CPNE2: variants seen among roughly 807,000 people sequenced by gnomAD.
The protein encoded by CPNE2 is copine-2.
Under a neutral mutation model 69.7 loss-of-function variants are expected in CPNE2, and 42 were observed. The observed-to-expected ratio is 0.60, with a 90% CI of 0.47 to 0.78. The LOEUF (loss-of-function observed/expected upper bound fraction) is 0.78. CPNE2 is among the 30% of genes least tolerant of loss of function. The pLI, the probability that CPNE2 is intolerant of heterozygous loss-of-function variation, is 0.00. For missense variants in CPNE2, 587 were observed against 732.0 expected, an observed-to-expected ratio of 0.80 and a Z score of 2.29; for synonymous variants, 294 against 289.8, an observed-to-expected ratio of 1.01 and a Z score of -0.15.
chr16:57,102,231 T>A (rs1228853544), intron 1 of CPNE2, among the ~76,000 whole-genome samples: 1 of 151,822 alleles, frequency 6.6e-6, no homozygotes, highest in Non-Finnish European at 1.5e-5. Flanking sequence ...ATAACAGGAG[T>A]GAGCCACCGC....
intron 14 of CPNE2, chr16:57,143,156 G>A (rs1227725401): frequency 6.6e-6 from 1 of 152,300 alleles, no homozygotes; most frequent in Non-Finnish European, 1.5e-5. Flanking sequence ...GGGTAGGGCT[G>A]TGTAATAGAC....
At position 57,109,115 on chromosome 16, in the gene CPNE2, G is replaced by A. The variant is rs138945638; in HGVS notation, c.-35-1593G>A. ...GTCCCGATCCAGACCCCAAGAGAGG[G>A]TTCTTGGATCTTGTGCAAGAAGAAA... On this transcript the variant is annotated intron_variant, in intron 1 of 15. Coordinates refer to ENST00000290776, the MANE Select transcript of CPNE2 (RefSeq NM_152727.6). Among the ~76,000 whole-genome samples the A allele has an allele frequency of 3.7e-3, 563 of 152,266 alleles. 5 individuals carry two copies. The highest frequency in any genetic ancestry group is 0.013 in the African/African-American group (549 of 41,534).
intron 13 of CPNE2, among the ~76,000 whole-genome samples, chr16:57,136,329 G>T (rs1346465032): frequency 6.6e-6 from 1 of 152,238 alleles, no homozygotes; most frequent in Non-Finnish European, 1.5e-5. Context: ...CTACAGGGCA[G>T]TGTGCTCATA....
chr16:57,124,227 G>T, intron 10 of CPNE2: 1 of 352,448 alleles, frequency 2.8e-6, no homozygotes, highest in South Asian at 2.1e-5. Flanking sequence ...GATTACAGGT[G>T]CATGCCATCA....
rs970285383 is a variant in CPNE2, at chr16:57,118,424, C to T, written c.508-771C>T. ...TCCTGACCTTGTGATCCGCCTACCTCGGCCTCCCAAAGTGCTGGGATTACA... is the reference window on the plus strand; with the variant it reads ...TCCTGACCTTGTGATCCGCCTACCTTGGCCTCCCAAAGTGCTGGGATTACA... On this transcript the variant is annotated intron_variant, in intron 5 of 15. Transcript: ENST00000290776. Among the ~76,000 whole-genome samples the T allele has an allele frequency of 5.7e-4, 87 of 151,626 alleles. 1 individual carries two copies. Among genetic ancestry groups the T allele is most frequent in the Non-Finnish European group, 8.8e-5 (6 of 67,936 alleles).
chr16:57,121,931 T>C (rs2069765784), intron 9 of CPNE2, among the ~76,000 whole-genome samples, 171 bp downstream of exon 9: 1 of 152,196 alleles, frequency 6.6e-6, no homozygotes, highest in Non-Finnish European at 1.5e-5. Context: ...AGTCTCCTCA[T>C]CTGTGGAATG....
intron 4 of CPNE2, 151 bp from the exon 5 acceptor site, chr16:57,117,345 G>A: frequency 2.9e-6 from 2 of 686,858 alleles, no homozygotes; most frequent in South Asian, 3.8e-5. Context: ...CTGAGGTGTG[G>A]GGAAGACAAG....
chr16:57,099,407 A>T (rs1330036939), intron 1 of CPNE2, among the ~76,000 whole-genome samples: 1 of 152,092 alleles, frequency 6.6e-6, no homozygotes, highest in African/African-American at 2.4e-5. Flanking sequence ...CACTGCCATG[A>T]ACATTCCTGT....
chr16:57,099,253 G>A (rs2069597747), intron 1 of CPNE2, among the ~76,000 whole-genome samples: 1 of 152,210 alleles, frequency 6.6e-6, no homozygotes. Flanking sequence ...GCACGTGTGA[G>A]ACCCATCCGT....
chr16:57,095,988 GTGTC>G (rs1325511169), intron 1 of CPNE2, among the ~76,000 whole-genome samples: 2 of 152,242 alleles, frequency 1.3e-5, no homozygotes, highest in Non-Finnish European at 2.9e-5. Flanking sequence ...AGAGCAAACA[GTGTC>G]TGTCTTGTTT....
chr16:57,143,880 C>T, intron 14 of CPNE2: 1 of 152,520 alleles, frequency 6.6e-6, no homozygotes, highest in Non-Finnish European at 1.5e-5. Flanking sequence ...GCACTGCCTG[C>T]CTGAGCTGGA....
chr16:57,127,771 G>T (rs530257478), intron 11 of CPNE2, 78 bp from the exon 12 acceptor site: 3 of 1,415,072 alleles, frequency 2.1e-6, no homozygotes, highest in Non-Finnish European at 3.0e-6. Flanking sequence ...ATGAGGCAGA[G>T]TGGGCCCAGC....
At chr16:57,113,785 C>T (rs1401822984) in intron 3 of CPNE2, among the ~76,000 whole-genome samples, 1 of 152,238 alleles carries the variant, frequency 6.6e-6, no homozygotes, top group Non-Finnish European at 1.5e-5. Flanking sequence ...ACAGTAGTCC[C>T]GCTTTGTGGC....
At position 57,113,201 on chromosome 16, in the gene CPNE2, C is replaced by T. The variant is rs1481657075; in HGVS notation, c.181-87C>T. On this transcript the variant is annotated intron_variant, in intron 2 of 15. Coordinates refer to ENST00000290776, the MANE Select transcript of CPNE2 (RefSeq NM_152727.6). ...AGCCTGGCACAGAGTAGGCATTGTA[C>T]AAGTTAGCAGAATGATTTCCAGCAG... The T allele has an allele frequency of 1.9e-5, 24 of 1,277,580 alleles. No homozygotes were observed. In the Admixed American group the frequency reaches 4.3e-4, roughly 23 times the overall value. The allele number at this position is 1,277,580 out of a possible 1,614,324, so 79.1% of individuals were successfully genotyped here.
chr16:57,128,270 C>G (rs1347296513), intron 12 of CPNE2, among the ~76,000 whole-genome samples: 1 of 152,072 alleles, frequency 6.6e-6, no homozygotes, highest in Non-Finnish European at 1.5e-5. Context: ...TGCTCTGTTG[C>G]CCAGGCTGGA....
intron 1 of CPNE2, among the ~76,000 whole-genome samples, chr16:57,109,307 C>T (rs1430744549): frequency 6.6e-6 from 1 of 151,456 alleles, no homozygotes. Flanking sequence ...GAAACCTCGT[C>T]TCTACTAAAA....
In CPNE2 at chr16:57,134,939, C is replaced by G. The variant is rs72777123; in HGVS notation, c.1168+113C>G. On this transcript the variant is annotated intron_variant, in intron 13 of 15. Transcript: ENST00000290776. ...TCATTTCTTTCTCCTTTCCCCTCCCCCTTACTGTTGCTCAGAGTGACAGAG... is the reference window on the plus strand; with the variant it reads ...TCATTTCTTTCTCCTTTCCCCTCCCGCTTACTGTTGCTCAGAGTGACAGAG... The G allele has an allele frequency of 7.3e-3, 8,423 of 1,159,572 alleles. 41 individuals carry two copies. The highest frequency in any genetic ancestry group is 8.6e-3 in the Non-Finnish European group (6,767 of 789,460). The allele number at this position is 1,159,572 out of a possible 1,614,324, so 71.8% of individuals were successfully genotyped here.
In CPNE2 at chr16:57,130,320, A is replaced by G. The variant is rs2069828632; in HGVS notation, c.1116+2417A>G. Among the ~76,000 whole-genome samples, 1 of 152,042 alleles carries G rather than the reference A, an allele frequency of 6.6e-6. No individual in the cohort carries two copies. The highest frequency in any genetic ancestry group is 2.4e-5 in the African/African-American group (1 of 41,376). Reference sequence around the variant, plus strand: ...CTGGAGCCCAGTGAGCTATGAGTGCACTGCACTCCAGCCTGGGTGACAGAG... The same window carrying G: ...CTGGAGCCCAGTGAGCTATGAGTGCGCTGCACTCCAGCCTGGGTGACAGAG... On this transcript the variant is annotated intron_variant, in intron 12 of 15. Coordinates refer to ENST00000290776, the MANE Select transcript of CPNE2 (RefSeq NM_152727.6). This position sits in a 1 kb window ranked among gnomAD's most constrained non-coding sequence, Gnocchi z 4.1.
intron 5 of CPNE2, among the ~76,000 whole-genome samples, chr16:57,117,797 G>A (rs1164607203): frequency 6.6e-6 from 1 of 152,122 alleles, no homozygotes; most frequent in Non-Finnish European, 1.5e-5. Context: ...GCTCATTGGG[G>A]CATCCCCATC....
Sources: gnomAD v4.1 joint callset for allele counts (sites outside exome capture counted in the v4.1 genomes callset) on GRCh38, gnomAD v4.1.1 for gene constraint, Gnocchi (gnomAD v3.1) non-coding constraint, MANE v1.5 for transcripts, NCBI Gene and HGNC (gene_info 2026-07-23, HGNC 2026-07-21) for gene names.